The following MEMO1 variants were observed in gnomAD, a reference collection of about 807,000 sequenced individuals.
MEMO1 encodes the protein mediator of cell motility 1.
MEMO1 carries 6 observed loss-of-function variants against 45.2 expected under a neutral mutation model. The ratio of observed to expected loss-of-function variants is 0.13; its 90% CI spans 0.07 to 0.26. The LOEUF is 0.26. Among genes scored for constraint, MEMO1 ranks in the 10% least tolerant of loss-of-function variants. The pLI is 1.00. For missense variants in MEMO1, 184 were observed against 370.5 expected, an observed-to-expected ratio of 0.50 and a Z score of 4.13; for synonymous variants, 78 against 124.3, an observed-to-expected ratio of 0.63 and a Z score of 2.48.
chr2:32,008,006 T>C (rs1048929910), intron 2 of MEMO1, among the ~76,000 whole-genome samples: 3 of 152,172 alleles, frequency 2.0e-5, no homozygotes, highest in Non-Finnish European at 2.9e-5. Flanking sequence ...CAATGCACAT[T>C]ACCAAAAATG....
chr2:31,998,524 G>T (rs1672877168), intron 2 of MEMO1, among the ~76,000 whole-genome samples: 1 of 152,072 alleles, frequency 6.6e-6, no homozygotes, highest in Non-Finnish European at 1.5e-5. Flanking sequence ...TTTATGGCTG[G>T]GCACAGTGGC....
rs70964741 is a variant in MEMO1 at position 31,925,475 on chromosome 2, C to CAAAAAAAAAAAAA, written c.213-4578_213-4566dup. Among the ~76,000 whole-genome samples the CAAAAAAAAAAAAA allele has an allele frequency of 1.0e-3, 82 of 79,184 alleles. 3 individuals carry two copies. The highest frequency in any genetic ancestry group is 2.0e-3 in the South Asian group (6 of 2,986). 51.9% of individuals were successfully genotyped at this position (79,184 alleles called of 152,430 possible). On this transcript the variant is annotated intron_variant, in intron 4 of 9. Coordinates refer to ENST00000404530, the MANE Select transcript of MEMO1 (RefSeq NM_001301833.4). ...TGGGGGACAGAGCAAGACTCCGTCTCAAAAAAAAAAAAAAAAAAAAAAAAT... is the reference window on the plus strand; with the variant it reads ...TGGGGGACAGAGCAAGACTCCGTCTCAAAAAAAAAAAAAAAAAAAAAAAAAAAAAAAAAAAAAT...
chr2:31,900,572 T>G (rs937322295), intron 6 of MEMO1, among the ~76,000 whole-genome samples: 2 of 151,950 alleles, frequency 1.3e-5, no homozygotes, highest in Admixed American at 1.3e-4. Context: ...AGAAGAGATA[T>G]CTAATGTAGA....
chr2:31,996,877 T>C (rs545191477), intron 2 of MEMO1, among the ~76,000 whole-genome samples: 2 of 152,202 alleles, frequency 1.3e-5, no homozygotes, highest in South Asian at 4.1e-4. Flanking sequence ...ATTACAGGCA[T>C]GAACTACTAT....
At chr2:31,892,464 T>G (rs1384778865) in intron 6 of MEMO1, among the ~76,000 whole-genome samples, 1 of 152,176 alleles carries the variant, frequency 6.6e-6, no homozygotes, top group Non-Finnish European at 1.5e-5. Context: ...ACCAATTCAA[T>G]TCTTTTCAAG....
At chr2:31,914,954 CTCT>C (rs1173332116) in intron 6 of MEMO1, among the ~76,000 whole-genome samples, 6 of 120,870 alleles carry the variant, frequency 5.0e-5, no homozygotes, top group Non-Finnish European at 1.0e-4. Flanking sequence ...GAGACCCTGT[CTCT>C]TTTTAAAAAA....
At chr2:31,931,508 A>G (rs1664168264) in intron 4 of MEMO1, among the ~76,000 whole-genome samples, 1 of 152,162 alleles carries the variant, frequency 6.6e-6, no homozygotes, top group African/African-American at 2.4e-5. Flanking sequence ...CAAGTTTCTT[A>G]CAGAGTAGTA....
chr2:31,928,191 CA>C (rs1683398618), intron 4 of MEMO1, among the ~76,000 whole-genome samples: 1 of 152,208 alleles, frequency 6.6e-6, no homozygotes, highest in South Asian at 2.1e-4. Context: ...ATTATCACCT[CA>C]AAAGCTGCCT....
chr2:31,897,700 A>T (rs1678076244), intron 6 of MEMO1, among the ~76,000 whole-genome samples: 2 of 152,116 alleles, frequency 1.3e-5, no homozygotes, highest in South Asian at 4.1e-4. Context: ...TGTCTCTGCC[A>T]GGTTTTAGTA....
At chr2:31,958,392 C>T (rs752990343) in intron 2 of MEMO1, among the ~76,000 whole-genome samples, 1 of 151,642 alleles carries the variant, frequency 6.6e-6, no homozygotes, top group Non-Finnish European at 1.5e-5. Context: ...TGAAGTGGTA[C>T]CTCTCCAACT....
intron 6 of MEMO1, among the ~76,000 whole-genome samples, chr2:31,896,955 G>C (rs1232490536): frequency 6.6e-6 from 1 of 152,118 alleles, no homozygotes; most frequent in Non-Finnish European, 1.5e-5. Flanking sequence ...CTCGTAAGTT[G>C]GATTCCTAAG....
intron 2 of MEMO1, among the ~76,000 whole-genome samples, chr2:31,963,879 G>A (rs1373507312): frequency 2.6e-5 from 4 of 152,058 alleles, no homozygotes; most frequent in Admixed American, 6.6e-5. Context: ...TGTGCTATAA[G>A]TATAAAATAC....
chr2:31,918,985 T>C (rs1274161526), intron 5 of MEMO1, among the ~76,000 whole-genome samples: 1 of 152,230 alleles, frequency 6.6e-6, no homozygotes, highest in African/African-American at 2.4e-5. Context: ...AGGTTAGAAA[T>C]ACTCATTTCA....
At chr2:31,977,167 G>A (rs1366513599) in intron 2 of MEMO1, among the ~76,000 whole-genome samples, 1 of 152,114 alleles carries the variant, frequency 6.6e-6, no homozygotes, top group African/African-American at 2.4e-5. Flanking sequence ...AAGCATAGAA[G>A]TGGATATGAC....
chr2:31,985,578 G>A (rs1460615543), intron 2 of MEMO1, among the ~76,000 whole-genome samples: 1 of 152,016 alleles, frequency 6.6e-6, no homozygotes, highest in Non-Finnish European at 1.5e-5. Context: ...CAGCCACCTG[G>A]GCCTCCCAAA....
At chr2:31,953,838 T>A (rs1465349714) in intron 2 of MEMO1, among the ~76,000 whole-genome samples, 1 of 152,170 alleles carries the variant, frequency 6.6e-6, no homozygotes, top group Non-Finnish European at 1.5e-5. Flanking sequence ...AAGGCCTACT[T>A]CACCATAATC....
At chr2:31,936,958 G>A (rs1384564040) in intron 3 of MEMO1, among the ~76,000 whole-genome samples, 3 of 152,126 alleles carry the variant, frequency 2.0e-5, no homozygotes, top group African/African-American at 7.2e-5. Context: ...CCAACAATAG[G>A]AAAAGTCACA....
intron 2 of MEMO1, among the ~76,000 whole-genome samples, chr2:31,966,902 C>G (rs1668688934): frequency 6.6e-6 from 1 of 152,106 alleles, no homozygotes; most frequent in Non-Finnish European, 1.5e-5. Flanking sequence ...ACTTTGTCAT[C>G]TCTATACGTT....
At chr2:31,969,574 GGTGTGTGTGTGGGTGT>G (rs1270721258) in intron 2 of MEMO1, among the ~76,000 whole-genome samples, 33 of 110,778 alleles carry the variant, frequency 3.0e-4, no homozygotes, top group African/African-American at 1.1e-3. Context: ...CTTTTCTGGG[GGTGTGTGTGTGGGTGT>G]GTGTGTGTGT....
Sources: gnomAD v4.1 joint callset for allele counts (sites outside exome capture counted in the v4.1 genomes callset) on GRCh38, gnomAD v4.1.1 for gene constraint, MANE v1.5 for transcripts, NCBI Gene and HGNC (gene_info 2026-07-23, HGNC 2026-07-21) for gene names.